RPGRIP1L: variants seen among roughly 807,000 people sequenced by gnomAD.
RPGRIP1L encodes RPGRIP1 like, also known as protein fantom.
Under a neutral mutation model 160.4 loss-of-function variants are expected in RPGRIP1L, and 131 were observed. That is an observed-to-expected ratio of 0.82 (90% CI 0.71 to 0.94). RPGRIP1L has a LOEUF of 0.94. Ranked by LOEUF, RPGRIP1L falls within the 40% of genes least tolerant of loss-of-function variation. The pLI is 0.00. For synonymous variants in RPGRIP1L, 510 were observed against 515.8 expected, an observed-to-expected ratio of 0.99 and a Z score of 0.15; for missense variants, 1,522 against 1,535.8, an observed-to-expected ratio of 0.99 and a Z score of 0.15.
chr16:53,618,855 T>C (rs1420263545), intron 24 of RPGRIP1L, among the ~76,000 whole-genome samples, 170 bp downstream of exon 24: 2 of 152,166 alleles, frequency 1.3e-5, no homozygotes, highest in Non-Finnish European at 2.9e-5. Flanking sequence ...CCCAACTTTA[T>C]TTTCTTAATC....
At position 53,649,068 on chromosome 16, in the gene RPGRIP1L, G is replaced by A. The variant is rs751128300; in HGVS notation, c.2200C>T (p.Arg734Ter). Residue 734 changes from arginine to a stop codon, truncating the protein, a stop_gained, in exon 16 of 27, where the codon CGA becomes TGA. Coordinates refer to ENST00000647211, the MANE Select transcript of RPGRIP1L (RefSeq NM_015272.5). LOFTEE classifies it high-confidence loss of function. Reference protein sequence around the residue: ...PNFGTVEYWFRLRVPMDQAIR... With the variant: ...PNFGTVEYWF Reference sequence around the variant, plus strand: ...GCTTGATCCATGGGAACTCTTAATCGGAACCAGTATTCCACTGTGCCAAAA... The same window carrying A: ...GCTTGATCCATGGGAACTCTTAATCAGAACCAGTATTCCACTGTGCCAAAA... The A allele has an allele frequency of 4.6e-5, 74 of 1,613,742 alleles. No homozygotes were observed. Among genetic ancestry groups the A allele is most frequent in the Non-Finnish European group, 5.8e-5 (69 of 1,179,884 alleles).
In RPGRIP1L at chr16:53,664,857, A is replaced by G; in HGVS notation, c.1243+13T>C. On this transcript the variant is annotated intron_variant, in intron 10 of 26. Coordinates refer to ENST00000647211, the MANE Select transcript of RPGRIP1L (RefSeq NM_015272.5). ...GTCTGAAATGAGTAAGGCAGTGGTT[A>G]TTTCAAATGTACCTCTTTCAGTTTT... The G allele has an allele frequency of 6.2e-7, 1 of 1,608,074 alleles. No homozygotes were observed. The highest frequency in any genetic ancestry group is 8.5e-7 in the Non-Finnish European group (1 of 1,179,620).
chr16:53,610,354 C>T (rs1377816498), intron 25 of RPGRIP1L, among the ~76,000 whole-genome samples: 2 of 151,990 alleles, frequency 1.3e-5, no homozygotes, highest in Non-Finnish European at 2.9e-5. Flanking sequence ...GCTTATTAAA[C>T]AGTGATAGTA....
rs760294595 is a variant in RPGRIP1L, at chr16:53,605,485, G to A, written c.3831C>T (p.Ile1277=). Residue 1277 remains isoleucine, a synonymous_variant, in exon 26 of 27, where the codon ATC becomes ATT. Transcript: ENST00000647211. ...QEGRDLIEQN[I]DVFDARADGE... The stretch of plus-strand genomic sequence containing the variant: ...GAGCAACACTTTCACCCATACCATC[G>A]ATATTTTGCTCAATGAGGTCCCTCC... 3 of 1,614,090 alleles carry A rather than the reference G, an allele frequency of 1.9e-6. No homozygotes were observed. The highest frequency in any genetic ancestry group is 1.7e-5 in the Admixed American group (1 of 60,014).
At chr16:53,658,153 T>G (rs1967432665) in intron 12 of RPGRIP1L, among the ~76,000 whole-genome samples, 2 of 152,268 alleles carry the variant, frequency 1.3e-5, no homozygotes, top group African/African-American at 4.8e-5. Flanking sequence ...GTGCTTTAAA[T>G]GAGAGTTTTT....
At chr16:53,677,844 C>A (rs1405322408) in intron 6 of RPGRIP1L, among the ~76,000 whole-genome samples, 2 of 152,060 alleles carry the variant, frequency 1.3e-5, no homozygotes, top group South Asian at 2.1e-4. Flanking sequence ...GACCTCCACA[C>A]AATATTTTTT....
At chr16:53,617,902 G>T (rs1964478206) in intron 24 of RPGRIP1L, among the ~76,000 whole-genome samples, 1 of 152,158 alleles carries the variant, frequency 6.6e-6, no homozygotes, top group East Asian at 1.9e-4. Context: ...AAAAATAGTA[G>T]TGATGAACTA....
At chr16:53,648,624 G>GCACACA (rs1285147301) in intron 16 of RPGRIP1L, among the ~76,000 whole-genome samples, 3,887 of 106,708 alleles carry the variant, frequency 0.036, 185 homozygotes, top group African/African-American at 0.095. Flanking sequence ...GCGCGCGCGC[G>GCACACA]CGCACACACA....
At position 53,652,432 on chromosome 16, in the gene RPGRIP1L, A is replaced by G. The variant is rs367795597; in HGVS notation, c.2152+103T>C. 140 of 902,552 alleles carry G rather than the reference A, an allele frequency of 1.6e-4. 2 individuals carry two copies. The East Asian group carries it at 1.7e-3, about 11-fold the overall frequency. 55.9% of individuals were successfully genotyped at this position (902,552 alleles called of 1,614,324 possible). On this transcript the variant is annotated intron_variant, in intron 15 of 26. Transcript: ENST00000647211. ...GTAAAGAATGTTGTCCTTGCTCTAA[A>G]GGCACCTTTAATATACAAGAAAAGA...
Position 53,619,046 on chromosome 16 carries a change from C to T in RPGRIP1L, c.3595G>A (p.Val1199Ile). ...ATACCATTGCTATAGTTATAGTAGACCCACTGCCCACTCTTGGGTTTTGGA... is the reference window on the plus strand; with the variant it reads ...ATACCATTGCTATAGTTATAGTAGATCCACTGCCCACTCTTGGGTTTTGGA... The part of the protein sequence containing the change: ...SLPKPKSGQW[V>I]YYNYSNVIYV... The change falls in exon 24 of 27, where the codon GTC (valine) becomes ATC (isoleucine). Residue 1199 changes from valine to isoleucine, a missense_variant. By Grantham distance (29) the Val-to-Ile change is conservative (BLOSUM62 3). Coordinates refer to ENST00000647211, the MANE Select transcript of RPGRIP1L (RefSeq NM_015272.5). 1 of 1,613,724 alleles carries T rather than the reference C, an allele frequency of 6.2e-7. No individual in the cohort carries two copies. Among genetic ancestry groups the T allele is most frequent in the Non-Finnish European group, 8.5e-7 (1 of 1,179,682 alleles).
At chr16:53,644,396 GA>G (rs1187162376) in intron 17 of RPGRIP1L, among the ~76,000 whole-genome samples, 1 of 151,114 alleles carries the variant, frequency 6.6e-6, no homozygotes, top group Admixed American at 6.6e-5. Context: ...AGAAGGAGAA[GA>G]AAAAAAGAGG....
At chr16:53,621,891 C>T (rs1964738662) in intron 23 of RPGRIP1L, among the ~76,000 whole-genome samples, 1 of 151,166 alleles carries the variant, frequency 6.6e-6, no homozygotes, top group Admixed American at 6.6e-5. Flanking sequence ...GGTGTGGTGG[C>T]GGGCACCTGT....
intron 17 of RPGRIP1L, among the ~76,000 whole-genome samples, chr16:53,642,420 T>TA (rs1361807120): frequency 2.6e-5 from 4 of 151,740 alleles, no homozygotes; most frequent in Non-Finnish European, 5.9e-5. Context: ...ATACTCCTTT[T>TA]AATGGCTGGC....
chr16:53,691,377 G>A (rs985097590), intron 4 of RPGRIP1L, among the ~76,000 whole-genome samples: 1 of 152,044 alleles, frequency 6.6e-6, no homozygotes, highest in Non-Finnish European at 1.5e-5. Context: ...ATTGAGTCTT[G>A]TCTACACAAT....
intron 25 of RPGRIP1L, 149 bp from the exon 26 acceptor site, chr16:53,605,763 GTTA>G: frequency 1.3e-6 from 1 of 787,184 alleles, no homozygotes; most frequent in Non-Finnish European, 2.1e-6. Flanking sequence ...GGCTAGATAA[GTTA>G]TTATATGAAC....
intron 22 of RPGRIP1L, among the ~76,000 whole-genome samples, chr16:53,625,053 C>T (rs1396847621): frequency 1.3e-5 from 2 of 152,144 alleles, no homozygotes; most frequent in East Asian, 1.9e-4. Flanking sequence ...GACGGAGTCT[C>T]GCTCACTCAG....
intron 2 of RPGRIP1L, among the ~76,000 whole-genome samples, chr16:53,698,170 C>T (rs1294039604): frequency 5.3e-5 from 8 of 151,984 alleles, no homozygotes; most frequent in South Asian, 2.1e-4. Context: ...GCCCGGCAGC[C>T]GCCCCGTCTG....
intron 10 of RPGRIP1L, among the ~76,000 whole-genome samples, chr16:53,663,338 C>T (rs1374086189): frequency 6.6e-6 from 1 of 151,810 alleles, no homozygotes; most frequent in Non-Finnish European, 1.5e-5. Context: ...AAGATTTTAC[C>T]CCCCTTAAGA....
Position 53,656,515 on chromosome 16 carries a change from A to G in RPGRIP1L, c.1656T>C (p.Val552=). 1 of 1,614,048 alleles carries G rather than the reference A, an allele frequency of 6.2e-7. No individual in the cohort carries two copies. ...GTGCAGCCCTGATATCAAGAAGATG[A>G]ACATACTGTTCCACTTTGAGTTCAT... The part of the protein sequence containing the change: ...QDYELKVEQY[V]HLLDIRAARI... The change falls in exon 14 of 27, where the codon GTT becomes GTC. Residue 552 remains valine (V), a synonymous_variant. Transcript: ENST00000647211.
Sources: allele counts gnomAD v4.1 joint callset (sites outside exome capture counted in the v4.1 genomes callset), GRCh38; gene constraint gnomAD v4.1.1; transcripts MANE v1.5; gene names NCBI Gene and HGNC (gene_info 2026-07-23, HGNC 2026-07-21).